The following KLHL18 variants were observed in gnomAD, a reference collection of about 807,000 sequenced individuals.
KLHL18 encodes the protein kelch like family member 18.
In KLHL18, 38 loss-of-function variants were observed where a neutral mutation model predicts 58.5. The ratio of observed to expected loss-of-function variants is 0.65; its 90% CI spans 0.50 to 0.85. KLHL18 has a LOEUF of 0.85. Ranked by LOEUF, KLHL18 falls within the 40% of genes least tolerant of loss-of-function variation. The probability of loss-of-function intolerance (pLI) is 0.00; values close to 1 mark genes in which losing one functional copy is unlikely to be tolerated. For missense variants in KLHL18, 624 were observed against 778.4 expected (o/e 0.80, Z 2.36); for synonymous variants, 303 against 301.9 (o/e 1.00, Z -0.04).
intron 3 of KLHL18, among the ~76,000 whole-genome samples, chr3:47,327,838 T>C (rs1171735640): frequency 3.9e-5 from 6 of 152,214 alleles, no homozygotes; most frequent in Admixed American, 1.3e-4. Flanking sequence ...TAGGGGACAA[T>C]AGTGAATATT....
intron 1 of KLHL18, among the ~76,000 whole-genome samples, chr3:47,309,197 T>C (rs1703223688): frequency 6.6e-6 from 1 of 152,204 alleles, no homozygotes; most frequent in African/African-American, 2.4e-5. Flanking sequence ...AACAATCTGA[T>C]TTCTCTATCT....
At chr3:47,307,389 A>T (rs1344737323) in intron 1 of KLHL18, among the ~76,000 whole-genome samples, 1 of 151,948 alleles carries the variant, frequency 6.6e-6, no homozygotes, top group African/African-American at 2.4e-5. Flanking sequence ...GAAGTTCTTA[A>T]TTTTACTGTA....
chr3:47,341,351 T>G (rs1704104767), intron 8 of KLHL18, among the ~76,000 whole-genome samples: 1 of 152,248 alleles, frequency 6.6e-6, no homozygotes, highest in South Asian at 2.1e-4. Flanking sequence ...TCTGTTCACT[T>G]GACCAATCTA....
At chr3:47,291,169 A>G (rs1455211346) in intron 1 of KLHL18, among the ~76,000 whole-genome samples, 2 of 152,132 alleles carry the variant, frequency 1.3e-5, no homozygotes, top group East Asian at 3.9e-4. Context: ...CCTTAGCCCC[A>G]CTTGGTTTAG....
rs765417387 is a variant in KLHL18, at chr3:47,330,109, T to C, written c.560T>C (p.Leu187Pro). ...CTGCCCTTGGAAGACGTGCTTGAGC[T>C]GGTGTCTCGGGATGAGCTGAATGTC... ...LALPLEDVLELVSRDELNVKS... is the reference protein window; with the variant it reads ...LALPLEDVLEPVSRDELNVKS... The change falls in exon 4 of 10, where the codon CTG becomes CCG. Residue 187 changes from leucine to proline, a missense_variant. Transcript: ENST00000232766. 2 of 1,614,170 alleles carry C rather than the reference T, an allele frequency of 1.2e-6. No homozygotes were observed. Among genetic ancestry groups the C allele is most frequent in the Non-Finnish European group, 1.7e-6 (2 of 1,180,030 alleles).
chr3:47,300,309 A>ATGTG lies in KLHL18; in HGVS notation c.129+17219_129+17222dup, dbSNP rs1553630150. Among the ~76,000 whole-genome samples the ATGTG allele has an allele frequency of 1.3e-3, 192 of 144,406 alleles. 1 individual carries two copies. The highest frequency in any genetic ancestry group is 4.5e-3 in the African/African-American group (178 of 39,814). 94.7% of individuals were successfully genotyped at this position (144,406 alleles called of 152,430 possible). On this transcript the variant is annotated intron_variant, in intron 1 of 9. Coordinates refer to ENST00000232766, the MANE Select transcript of KLHL18 (RefSeq NM_025010.5). ...ATTTTATATATATATATATATATAT[A>ATGTG]TGTGTGTATATATGTATATGTATAT...
chr3:47,310,422 C>T (rs755375178), intron 1 of KLHL18, among the ~76,000 whole-genome samples: 4 of 152,200 alleles, frequency 2.6e-5, no homozygotes, highest in Non-Finnish European at 4.4e-5. Flanking sequence ...ACTAGGTGAT[C>T]TTTAGATGTT....
intron 8 of KLHL18, 67 bp downstream of exon 8, chr3:47,340,743 A>C (rs1464172862): frequency 6.3e-7 from 1 of 1,580,824 alleles, no homozygotes. Context: ...TCAGAACTGT[A>C]GTTTTTTTAA....
At position 47,344,415 on chromosome 3, in the gene KLHL18, G is replaced by A. The variant is rs1053417566; in HGVS notation, c.*474G>A. ...AAGGACAGACCCAAGCGTTCTCCCT[G>A]CCTGAGATGGTGTGGCCACAGCAGT... On this transcript the variant is annotated 3_prime_UTR_variant, in exon 10 of 10. Transcript: ENST00000232766. 2 of 189,720 alleles carry A rather than the reference G, an allele frequency of 1.1e-5. No homozygotes were observed. Among genetic ancestry groups the A allele is most frequent in the Non-Finnish European group, 2.1e-5 (2 of 93,268 alleles). 11.8% of individuals were successfully genotyped at this position (189,720 alleles called of 1,614,324 possible).
In KLHL18 at chr3:47,343,625, A is replaced by G. The variant is rs780788542; in HGVS notation, c.1409A>G (p.His470Arg). 1 of 1,614,166 alleles carries G rather than the reference A, an allele frequency of 6.2e-7. No individual in the cohort carries two copies. Among genetic ancestry groups the G allele is most frequent in the Non-Finnish European group, 8.5e-7 (1 of 1,180,032 alleles). ...GGCATGCTCAACAAGCGCTGCCGGC[A>G]CGGAGCCGCCTCCCTGGGGAGCAAG... ...AAGMLNKRCRHGAASLGSKMF... is the reference protein window; with the variant it reads ...AAGMLNKRCRRGAASLGSKMF... Residue 470 changes from histidine (H) to arginine (R), a missense_variant, in exon 10 of 10, where the codon CAC (histidine) becomes CGC (arginine). Transcript: ENST00000232766.
intron 1 of KLHL18, among the ~76,000 whole-genome samples, chr3:47,309,455 G>A (rs932326131): frequency 3.3e-5 from 5 of 151,938 alleles, no homozygotes; most frequent in Admixed American, 1.3e-4. Context: ...CATCCCAGAC[G>A]GGGCGGCAGG....
intron 1 of KLHL18, among the ~76,000 whole-genome samples, chr3:47,288,830 A>AT (rs991941207): frequency 6.6e-6 from 1 of 152,228 alleles, no homozygotes; most frequent in African/African-American, 2.4e-5. Flanking sequence ...ACTTGTTGGC[A>AT]TAAGGCTTGG....
intron 9 of KLHL18, 72 bp downstream of exon 9, chr3:47,342,902 T>C (rs1430435786): frequency 1.2e-5 from 14 of 1,200,510 alleles, no homozygotes; most frequent in Non-Finnish European, 1.6e-5. Flanking sequence ...AGATCATTAT[T>C]TGAAAAAACT....
At chr3:47,304,975 G>A (rs1357021818) in intron 1 of KLHL18, among the ~76,000 whole-genome samples, 2 of 151,226 alleles carry the variant, frequency 1.3e-5, no homozygotes, top group Non-Finnish European at 2.9e-5. Context: ...AGTGAACTAA[G>A]ATTGGATCAC....
In KLHL18 at chr3:47,334,876, A is replaced by G; in HGVS notation, c.898+57A>G. 1.9e-6 allele frequency: 3 copies of G among 1,539,364 alleles called. No homozygotes were observed. The highest frequency in any genetic ancestry group is 1.8e-6 in the Non-Finnish European group (2 of 1,134,914). On this transcript the variant is annotated intron_variant, in intron 6 of 9. Coordinates refer to ENST00000232766, the MANE Select transcript of KLHL18 (RefSeq NM_025010.5). The surrounding 1 kb of genome is among the most constrained non-coding windows in gnomAD (Gnocchi z 4.7). Reference sequence around the variant, plus strand: ...TCTTGGACTCCATGGATGAGGAAGCACCAGACAAATTAGCCTGGCCCTTCT... The same window carrying G: ...TCTTGGACTCCATGGATGAGGAAGCGCCAGACAAATTAGCCTGGCCCTTCT...
chr3:47,316,703 A>G (rs1703452978), intron 1 of KLHL18, among the ~76,000 whole-genome samples: 1 of 120,672 alleles, frequency 8.3e-6, no homozygotes, highest in Non-Finnish European at 1.8e-5. Context: ...ATATACATAT[A>G]TACGTATATA....
chr3:47,315,720 C>CTT (rs1703405202), intron 1 of KLHL18, among the ~76,000 whole-genome samples: 1 of 152,034 alleles, frequency 6.6e-6, no homozygotes, highest in East Asian at 1.9e-4. Flanking sequence ...TTAAAGAAAA[C>CTT]CTCTAACATA....
intron 1 of KLHL18, among the ~76,000 whole-genome samples, chr3:47,317,238 G>A (rs902753524): frequency 2.0e-5 from 3 of 151,964 alleles, no homozygotes; most frequent in Non-Finnish European, 4.4e-5. Context: ...TCAGCACCTC[G>A]GGTAGCTGGA....
chr3:47,336,430 A>G (rs1257452017), intron 6 of KLHL18, 105 bp from the exon 7 acceptor site: 9 of 966,596 alleles, frequency 9.3e-6, no homozygotes, highest in Non-Finnish European at 1.4e-5. Context: ...CTGTGGGAAG[A>G]GCTAATAGAA....
Sources: gnomAD v4.1 joint callset for allele counts (sites outside exome capture counted in the v4.1 genomes callset) on GRCh38, gnomAD v4.1.1 for gene constraint, Gnocchi (gnomAD v3.1) non-coding constraint, MANE v1.5 for transcripts, NCBI Gene and HGNC (gene_info 2026-07-23, HGNC 2026-07-21) for gene names.